Variants in GRIA4 observed in about 807,000 individuals in gnomAD.
GRIA4 encodes the protein glutamate receptor 4.
In GRIA4, 34 loss-of-function variants were observed where a neutral mutation model predicts 104.0. That is an observed-to-expected ratio of 0.33 (90% CI 0.25 to 0.44). The LOEUF is 0.44. Ranked by LOEUF, GRIA4 falls within the 20% of genes least tolerant of loss-of-function variation. The probability of loss-of-function intolerance (pLI) is 1.00; values close to 1 mark genes in which losing one functional copy is unlikely to be tolerated. For missense variants in GRIA4, 750 were observed against 1,096.5 expected (o/e 0.68, Z 4.46); for synonymous variants, 386 against 381.9 (o/e 1.01, Z -0.13).
chr11:105,707,773 T>A (rs928144323), intron 3 of GRIA4: 1 of 152,064 alleles, frequency 6.6e-6, no homozygotes, highest in Non-Finnish European at 1.5e-5. Flanking sequence ...GAGAAAAAAA[T>A]TATTGATCTA....
chr11:105,690,636 GTGA>G (rs1328119478), intron 3 of GRIA4, among the ~76,000 whole-genome samples: 1 of 152,122 alleles, frequency 6.6e-6, no homozygotes, highest in Non-Finnish European at 1.5e-5. Context: ...GCTTACATCC[GTGA>G]TGAAGATGTT....
At chr11:105,681,207 C>T (rs59852620) in intron 3 of GRIA4, among the ~76,000 whole-genome samples, 4,048 of 152,100 alleles carry the variant, frequency 0.027, 102 homozygotes, top group African/African-American at 0.065. Flanking sequence ...AGAGATGTTG[C>T]GGGAGAAAAC....
chr11:105,963,081 A>T (rs1948781589), intron 14 of GRIA4, among the ~76,000 whole-genome samples: 1 of 152,082 alleles, frequency 6.6e-6, no homozygotes, highest in Non-Finnish European at 1.5e-5. Flanking sequence ...TGCAGCGAGT[A>T]TCTGCTTTCT....
chr11:105,690,165 T>TCC (rs959566410), intron 3 of GRIA4, among the ~76,000 whole-genome samples: 2 of 152,112 alleles, frequency 1.3e-5, no homozygotes, highest in Non-Finnish European at 2.9e-5. Flanking sequence ...TGCAATGCCT[T>TCC]CCCCCTTCTT....
At chr11:105,773,473 C>T (rs910461322) in intron 4 of GRIA4, among the ~76,000 whole-genome samples, 1 of 152,214 alleles carries the variant, frequency 6.6e-6, no homozygotes, top group East Asian at 1.9e-4. Flanking sequence ...CAAATCCACA[C>T]ATATAATTAA....
intron 10 of GRIA4, among the ~76,000 whole-genome samples, chr11:105,915,950 G>A (rs577961083): frequency 5.3e-5 from 8 of 152,170 alleles, no homozygotes; most frequent in African/African-American, 1.4e-4. Context: ...TTTGGAGGCC[G>A]AAGCAAGTGG....
intron 4 of GRIA4, among the ~76,000 whole-genome samples, chr11:105,771,101 A>G (rs1266955815): frequency 1.3e-5 from 2 of 151,926 alleles, no homozygotes; most frequent in African/African-American, 2.4e-5. Context: ...TACCCTCTAT[A>G]ACTTGTACTC....
intron 4 of GRIA4, among the ~76,000 whole-genome samples, chr11:105,797,022 T>C (rs939603516): frequency 1.3e-5 from 2 of 151,856 alleles, no homozygotes; most frequent in African/African-American, 4.8e-5. Context: ...CTTGAGCTCA[T>C]GGGCAACATG....
At chr11:105,670,338 T>C (rs1291425813) in intron 3 of GRIA4, among the ~76,000 whole-genome samples, 6 of 152,274 alleles carry the variant, frequency 3.9e-5, no homozygotes, top group Middle Eastern at 3.4e-3. Flanking sequence ...TAGAACACTT[T>C]AAAGTCCAAA....
intron 3 of GRIA4, among the ~76,000 whole-genome samples, chr11:105,661,932 T>C (rs1952022693): frequency 6.6e-6 from 1 of 151,720 alleles, no homozygotes; most frequent in Admixed American, 6.6e-5. Flanking sequence ...ACTATATTTT[T>C]TCCACACAAC....
At chr11:105,711,281 C>A (rs1240872464) in intron 3 of GRIA4, among the ~76,000 whole-genome samples, 1 of 151,624 alleles carries the variant, frequency 6.6e-6, no homozygotes, top group African/African-American at 2.4e-5. Flanking sequence ...ACCTATGAGT[C>A]GGGGGAGAGG....
intron 3 of GRIA4, among the ~76,000 whole-genome samples, chr11:105,634,353 CAAAAAAA>C (rs1267208067): frequency 6.0e-5 from 3 of 50,178 alleles, no homozygotes; most frequent in African/African-American, 1.4e-4. Flanking sequence ...TCTCCGTCTC[CAAAAAAA>C]AAAAAAAAAG....
chr11:105,888,969 T>C (rs969991581), intron 6 of GRIA4, among the ~76,000 whole-genome samples: 1 of 152,106 alleles, frequency 6.6e-6, no homozygotes. Flanking sequence ...TATATTCTGA[T>C]ATTAATTACT....
chr11:105,799,222 C>T (rs1394631924), intron 4 of GRIA4, among the ~76,000 whole-genome samples: 1 of 152,022 alleles, frequency 6.6e-6, no homozygotes, highest in Admixed American at 6.6e-5. Flanking sequence ...TGGTCAAATG[C>T]TAAGGAATGG....
Position 105,645,077 on chromosome 11 carries a change from C to T in GRIA4, c.247+32643C>T, listed in dbSNP as rs915995831. The stretch of plus-strand genomic sequence containing the variant: ...GCCACAGGGCTGAAGAGGCGCAATA[C>T]GACCATTCTATTTTGGTTTGCAGAT... On this transcript the variant is annotated intron_variant, in intron 3 of 16. Coordinates refer to ENST00000282499, the MANE Select transcript of GRIA4 (RefSeq NM_000829.4). 6.6e-5 allele frequency among the ~76,000 whole-genome samples: 10 copies of T among 152,208 alleles called. No homozygotes were observed. In the East Asian group the frequency reaches 1.4e-3, roughly 21 times the overall value.
chr11:105,694,623 T>C (rs574780076), intron 3 of GRIA4, among the ~76,000 whole-genome samples: 146 of 152,264 alleles, frequency 9.6e-4, no homozygotes, highest in African/African-American at 3.3e-3. Context: ...TTAATTCAGA[T>C]GTCAATTTTA....
intron 3 of GRIA4, among the ~76,000 whole-genome samples, chr11:105,681,937 G>A (rs1488529820): frequency 6.6e-6 from 1 of 152,036 alleles, no homozygotes; most frequent in African/African-American, 2.4e-5. Context: ...AGCTCCTCAG[G>A]AGGCTGAAGC....
At chr11:105,780,042 T>C (rs1319124485) in intron 4 of GRIA4, among the ~76,000 whole-genome samples, 2 of 152,152 alleles carry the variant, frequency 1.3e-5, no homozygotes, top group African/African-American at 4.8e-5. Flanking sequence ...AAAGAGATAA[T>C]TGCAACACAC....
chr11:105,833,594 A>C (rs536452773), intron 4 of GRIA4, among the ~76,000 whole-genome samples: 2 of 152,154 alleles, frequency 1.3e-5, no homozygotes, highest in African/African-American at 4.8e-5. Flanking sequence ...AGGGTTAAGC[A>C]ACTGATGAAC....
Sources: allele counts gnomAD v4.1 joint callset (sites outside exome capture counted in the v4.1 genomes callset), GRCh38; gene constraint gnomAD v4.1.1; transcripts MANE v1.5; gene names NCBI Gene and HGNC (gene_info 2026-07-23, HGNC 2026-07-21).